The following CNBD1 variants were observed in gnomAD, a reference collection of about 807,000 sequenced individuals.
CNBD1 encodes cyclic nucleotide-binding domain-containing protein 1.
In CNBD1, 71 loss-of-function variants were observed where a neutral mutation model predicts 54.4. The ratio of observed to expected loss-of-function variants is 1.30; its 90% CI spans 1.08 to 1.59. CNBD1 has a LOEUF of 1.59. CNBD1 is among the 40% of genes most tolerant of loss of function. CNBD1 has a pLI of 0.00. For synonymous variants in CNBD1, 182 were observed against 170.7 expected (o/e 1.07, Z -0.51); for missense variants, 659 against 518.0 (o/e 1.27, Z -2.64).
intron 8 of CNBD1, among the ~76,000 whole-genome samples, chr8:87,290,856 T>C (rs982253311): frequency 1.3e-5 from 2 of 152,210 alleles, no homozygotes; most frequent in Non-Finnish European, 2.9e-5. Context: ...GATTCACTTA[T>C]AAGTGACAAG....
intron 3 of CNBD1, among the ~76,000 whole-genome samples, chr8:86,936,562 A>C (rs1416653603): frequency 6.6e-6 from 1 of 152,022 alleles, no homozygotes; most frequent in Non-Finnish European, 1.5e-5. Flanking sequence ...AACACTGTGA[A>C]ACCCCATCTC....
Position 87,132,305 on chromosome 8 carries a change from A to G in CNBD1, c.432-73688A>G, listed in dbSNP as rs147691463. ...TTTGATATCTCTTGGGACATTACTA[A>G]TTGTGTTAACATTATTACTAATTGT... On this transcript the variant is annotated intron_variant, in intron 4 of 10. Transcript: ENST00000518476. Among the ~76,000 whole-genome samples, 586 of 151,898 alleles carry G rather than the reference A, an allele frequency of 3.9e-3. 20 individuals carry two copies. The East Asian group carries it at 0.083, about 22-fold the overall frequency.
At chr8:86,979,430 G>GAAAAA (rs1808421066) in intron 4 of CNBD1, among the ~76,000 whole-genome samples, 1 of 48,288 alleles carries the variant, frequency 2.1e-5, no homozygotes, top group African/African-American at 8.6e-5. Flanking sequence ...AAAAAAAAAG[G>GAAAAA]CAAAAACAAT....
chr8:87,323,619 A>G (rs1286271061), intron 8 of CNBD1, among the ~76,000 whole-genome samples: 13 of 130,890 alleles, frequency 9.9e-5, no homozygotes, highest in Admixed American at 9.8e-4. Flanking sequence ...TTGCTGGTGT[A>G]TAAGAATGCT....
chr8:87,331,310 G>A (rs1174347650), intron 8 of CNBD1, among the ~76,000 whole-genome samples: 1 of 152,180 alleles, frequency 6.6e-6, no homozygotes, highest in Admixed American at 6.5e-5. Flanking sequence ...AGAACATGCA[G>A]TGTTTGGTTT....
intron 1 of CNBD1, among the ~76,000 whole-genome samples, chr8:86,873,400 C>G (rs1808469828): frequency 6.6e-6 from 1 of 151,804 alleles, no homozygotes; most frequent in Non-Finnish European, 1.5e-5. Flanking sequence ...CACACCTGGC[C>G]AAGACCCTGT....
intron 4 of CNBD1, among the ~76,000 whole-genome samples, chr8:86,996,935 A>G (rs897500185): frequency 1.3e-5 from 2 of 152,172 alleles, no homozygotes; most frequent in East Asian, 3.9e-4. Context: ...GTGTCCTTAC[A>G]TGATAGAAAA....
chr8:87,035,713 A>G (rs746671984), intron 4 of CNBD1, among the ~76,000 whole-genome samples: 22 of 152,176 alleles, frequency 1.4e-4, no homozygotes, highest in Non-Finnish European at 2.8e-4. Flanking sequence ...TGGCTTATAT[A>G]AAACAGAACT....
chr8:87,306,201 C>T (rs898606269), intron 8 of CNBD1, among the ~76,000 whole-genome samples: 3 of 152,042 alleles, frequency 2.0e-5, no homozygotes, highest in African/African-American at 7.2e-5. Flanking sequence ...AACTTCAATG[C>T]GATACCACCT....
intron 8 of CNBD1, among the ~76,000 whole-genome samples, chr8:87,292,142 C>T (rs1808799210): frequency 6.6e-6 from 1 of 152,134 alleles, no homozygotes; most frequent in Non-Finnish European, 1.5e-5. Context: ...TGATAAATCT[C>T]CTGATTAAAA....
At chr8:86,887,483 C>T (rs1267769237) in intron 1 of CNBD1, 59 bp from the exon 2 acceptor site, 1 of 1,056,208 alleles carries the variant, frequency 9.5e-7, no homozygotes, top group Non-Finnish European at 1.4e-6. Flanking sequence ...ACTCTATTTA[C>T]ACACTTGCTT....
chr8:87,048,127 A>G (rs766699305), intron 4 of CNBD1, among the ~76,000 whole-genome samples: 2 of 152,066 alleles, frequency 1.3e-5, no homozygotes, highest in Non-Finnish European at 2.9e-5. Context: ...GGTCTTTGCA[A>G]ATCGGGGTCT....
chr8:87,421,359 G>T lies in CNBD1; in HGVS notation c.214-7187G>T, dbSNP rs1352724801. ...TACATAGGTATACATGTGCCATGCT[G>T]GTGTGCTGCACCCACTAACTCGTCA... On this transcript the variant is annotated intron_variant, in intron 2 of 7. Coordinates refer to the CNBD1 transcript ENST00000521593. Among the ~76,000 whole-genome samples the T allele has an allele frequency of 4.6e-5, 7 of 150,938 alleles. No individual in the cohort carries two copies. In the South Asian group the frequency reaches 6.3e-4, roughly 14 times the overall value.
At chr8:86,957,596 G>C (rs552375274) in intron 4 of CNBD1, among the ~76,000 whole-genome samples, 39 of 152,292 alleles carry the variant, frequency 2.6e-4, no homozygotes, top group African/African-American at 8.9e-4. Flanking sequence ...ATTTCTTCTA[G>C]ATTTTCTAGT....
chr8:87,057,011 C>A (rs995097247), intron 4 of CNBD1, among the ~76,000 whole-genome samples: 1 of 152,068 alleles, frequency 6.6e-6, no homozygotes, highest in Non-Finnish European at 1.5e-5. Context: ...AAGAGTGTGG[C>A]AAAGTTGATA....
At chr8:87,266,436 A>AAACTT (rs71503464) in intron 6 of CNBD1, among the ~76,000 whole-genome samples, 4 of 76,226 alleles carry the variant, frequency 5.2e-5, no homozygotes, top group Admixed American at 1.4e-4. Context: ...AAAAAAAAAA[A>AAACTT]TCTTTTTTTT....
intron 10 of CNBD1, among the ~76,000 whole-genome samples, chr8:87,354,731 T>C (rs1724621057): frequency 6.6e-6 from 1 of 152,170 alleles, no homozygotes; most frequent in African/African-American, 2.4e-5. Context: ...ACAAAGGACA[T>C]GAACTCATCA....
chr8:87,361,099 C>T (rs1223168623), intron 10 of CNBD1, among the ~76,000 whole-genome samples: 1 of 151,836 alleles, frequency 6.6e-6, no homozygotes, highest in African/African-American at 2.4e-5. Context: ...GACTCTTTCC[C>T]CTTTTGCGTT....
At chr8:87,352,867 G>C (rs912145516) in intron 9 of CNBD1, among the ~76,000 whole-genome samples, 6 of 152,096 alleles carry the variant, frequency 3.9e-5, no homozygotes, top group Non-Finnish European at 8.8e-5. Context: ...CATTTATATA[G>C]GTGCAAATAT....
Sources: gnomAD v4.1 joint callset for allele counts (sites outside exome capture counted in the v4.1 genomes callset) on GRCh38, gnomAD v4.1.1 for gene constraint, MANE v1.5 for transcripts, NCBI Gene and HGNC (gene_info 2026-07-23, HGNC 2026-07-21) for gene names.